Variants in PLCB1 observed in about 807,000 individuals in gnomAD.
PLCB1 encodes 1-phosphatidylinositol 4,5-bisphosphate phosphodiesterase beta-1.
A neutral mutation model predicts 161.8 loss-of-function variants in PLCB1; 46 were observed. The observed-to-expected ratio is 0.28, with a 90% CI of 0.22 to 0.36. The LOEUF is 0.36. PLCB1 is among the 10% of genes least tolerant of loss of function. The probability of loss-of-function intolerance (pLI) is 1.00; values close to 1 mark genes in which losing one functional copy is unlikely to be tolerated. For synonymous variants in PLCB1, 517 were observed against 503.7 expected (o/e 1.03, Z -0.35); for missense variants, 1,016 against 1,472.5 (o/e 0.69, Z 5.07).
In PLCB1 at chr20:8,746,684, C is replaced by T. The variant is rs58131949; in HGVS notation, c.2523+5111C>T. On this transcript the variant is annotated intron_variant, in intron 23 of 31. Coordinates refer to ENST00000338037, the MANE Select transcript of PLCB1 (RefSeq NM_015192.4). Reference sequence around the variant, plus strand: ...GTATTCACTCACTTAAGTCTTAAAACCTCCGGATGTCCTAATTACCATTAT... The same window carrying T: ...GTATTCACTCACTTAAGTCTTAAAATCTCCGGATGTCCTAATTACCATTAT... Among the ~76,000 whole-genome samples the T allele has an allele frequency of 7.8e-3, 1,193 of 152,240 alleles. 14 individuals carry two copies. Among genetic ancestry groups the T allele is most frequent in the African/African-American group, 0.028 (1,142 of 41,520 alleles).
chr20:8,841,031 T>TTA (rs1358028715), intron 31 of PLCB1, among the ~76,000 whole-genome samples: 12 of 152,130 alleles, frequency 7.9e-5, no homozygotes, highest in African/African-American at 2.9e-4. Flanking sequence ...AGAGATGGTG[T>TTA]TTTACCATGT....
At chr20:8,389,977 A>G (rs1041461734) in intron 3 of PLCB1, among the ~76,000 whole-genome samples, 13 of 152,188 alleles carry the variant, frequency 8.5e-5, no homozygotes, top group African/African-American at 3.1e-4. Context: ...TTGAAAATAG[A>G]GATTTTACAC....
intron 18 of PLCB1, among the ~76,000 whole-genome samples, chr20:8,730,640 A>G (rs73081939): frequency 0.19 from 28,066 of 151,686 alleles, 3,085 homozygotes; most frequent in South Asian, 0.27. Context: ...CTAAAAAAAA[A>G]CTATTTTTAA....
chr20:8,670,962 C>T (rs1400488015), intron 9 of PLCB1, among the ~76,000 whole-genome samples: 1 of 152,164 alleles, frequency 6.6e-6, no homozygotes, highest in Non-Finnish European at 1.5e-5. Context: ...AGGTGCTAAA[C>T]CACTGGGCTG....
At chr20:8,136,115 T>C (rs2051344564) in intron 1 of PLCB1, among the ~76,000 whole-genome samples, 1 of 152,238 alleles carries the variant, frequency 6.6e-6, no homozygotes, top group Non-Finnish European at 1.5e-5. Context: ...GGTTTTCATT[T>C]ATTTATTCCT....
At chr20:8,873,091 T>C in intron 31 of PLCB1, among the ~76,000 whole-genome samples, 1 of 152,214 alleles carries the variant, frequency 6.6e-6, no homozygotes, top group Non-Finnish European at 1.5e-5. Flanking sequence ...CCCATGGCAA[T>C]TTATTCTAAG....
At chr20:8,639,942 A>G (rs920194414) in intron 4 of PLCB1, among the ~76,000 whole-genome samples, 3 of 152,034 alleles carry the variant, frequency 2.0e-5, no homozygotes, top group Admixed American at 1.3e-4. Flanking sequence ...AGACCTTCAC[A>G]GGCAGTGAGA....
rs556263615 is a variant in PLCB1, at chr20:8,883,011, C to G, written c.*1162C>G. ...GATAGAGAAGAAAAGGGTCAAACAT[C>G]GAGATTACATGGATGTTAAATTATA... On this transcript the variant is annotated 3_prime_UTR_variant, in exon 32 of 32. Coordinates refer to ENST00000338037, the MANE Select transcript of PLCB1 (RefSeq NM_015192.4). 39 of 152,600 alleles carry G rather than the reference C, an allele frequency of 2.6e-4. No individual in the cohort carries two copies. Among genetic ancestry groups the G allele is most frequent in the Admixed American group, 2.4e-3 (37 of 15,272 alleles). The allele number at this position is 152,600 out of a possible 1,614,324, so 9.5% of individuals were successfully genotyped here. A position where few individuals can be genotyped will look rare whatever the true frequency, so the allele number is the denominator to read the frequency against.
intron 31 of PLCB1, among the ~76,000 whole-genome samples, chr20:8,872,083 T>C (rs1987628122): frequency 6.6e-6 from 1 of 152,212 alleles, no homozygotes; most frequent in South Asian, 2.1e-4. Context: ...TTTGTGTAGA[T>C]CTATGGCATC....
chr20:8,594,481 C>A (rs768221186), intron 3 of PLCB1, among the ~76,000 whole-genome samples: 3 of 152,052 alleles, frequency 2.0e-5, no homozygotes, highest in Non-Finnish European at 4.4e-5. Context: ...AGGTTAGGGG[C>A]GGTCCTGAGA....
At chr20:8,775,887 A>C (rs534205801) in intron 27 of PLCB1, among the ~76,000 whole-genome samples, 9 of 152,148 alleles carry the variant, frequency 5.9e-5, no homozygotes, top group Admixed American at 2.0e-4. Flanking sequence ...TTACTTTTTA[A>C]CAAGCCCCAC....
intron 3 of PLCB1, among the ~76,000 whole-genome samples, chr20:8,531,460 T>C (rs1013156281): frequency 2.0e-5 from 3 of 152,114 alleles, no homozygotes; most frequent in Non-Finnish European, 4.4e-5. Flanking sequence ...ATATATAATA[T>C]GTATATCTTA....
intron 3 of PLCB1, among the ~76,000 whole-genome samples, chr20:8,485,082 A>G (rs1381647844): frequency 6.6e-6 from 1 of 152,234 alleles, no homozygotes; most frequent in African/African-American, 2.4e-5. Context: ...ATAGACTTGT[A>G]TTGCCAGGAA....
chr20:8,571,343 G>A (rs1440333064), intron 3 of PLCB1, among the ~76,000 whole-genome samples: 5 of 152,026 alleles, frequency 3.3e-5, no homozygotes, highest in South Asian at 4.1e-4. Flanking sequence ...TTAGATGGGC[G>A]TGGTGCCACA....
chr20:8,177,449 G>T (rs2051795234), intron 2 of PLCB1, among the ~76,000 whole-genome samples: 1 of 152,088 alleles, frequency 6.6e-6, no homozygotes, highest in African/African-American at 2.4e-5. Flanking sequence ...CTAAGACGAT[G>T]ATGTTAATTC....
At chr20:8,331,420 T>G (rs1481292581) in intron 2 of PLCB1, among the ~76,000 whole-genome samples, 1 of 152,224 alleles carries the variant, frequency 6.6e-6, no homozygotes, top group Admixed American at 6.5e-5. Context: ...GAGGTTTCTT[T>G]GTTTTTTGTT....
chr20:8,617,558 T>TTTG (rs1427424405), intron 3 of PLCB1, among the ~76,000 whole-genome samples: 1 of 152,110 alleles, frequency 6.6e-6, no homozygotes, highest in African/African-American at 2.4e-5. Context: ...TTTGGAGGCT[T>TTTG]TTGTTGTTGT....
chr20:8,490,857 T>C (rs945677687), intron 3 of PLCB1, among the ~76,000 whole-genome samples: 2 of 140,190 alleles, frequency 1.4e-5, no homozygotes, highest in Non-Finnish European at 3.0e-5. Context: ...CTCATATATA[T>C]AGGCATATAT....
chr20:8,394,718 A>G (rs752073190), intron 3 of PLCB1, among the ~76,000 whole-genome samples: 19 of 152,182 alleles, frequency 1.2e-4, no homozygotes, highest in Non-Finnish European at 2.6e-4. Context: ...CATATGTTTA[A>G]TAGGCTTGAA....
Sources: gnomAD v4.1 joint callset for allele counts (sites outside exome capture counted in the v4.1 genomes callset) on GRCh38, gnomAD v4.1.1 for gene constraint, MANE v1.5 for transcripts, NCBI Gene and HGNC (gene_info 2026-07-23, HGNC 2026-07-21) for gene names.